Variants in GRIN2A observed in about 807,000 individuals in gnomAD.
The protein encoded by GRIN2A is glutamate ionotropic receptor NMDA type subunit 2A, also known as glutamate receptor ionotropic, NMDA 2A.
In GRIN2A, 22 loss-of-function variants were observed where a neutral mutation model predicts 113.4. The observed-to-expected ratio is 0.19, with a 90% CI of 0.14 to 0.28. The LOEUF is 0.28. GRIN2A is among the 10% of genes least tolerant of loss of function. The pLI is 1.00. For synonymous variants in GRIN2A, 827 were observed against 738.4 expected (o/e 1.12, Z -1.94); for missense variants, 1,502 against 1,887.0 (o/e 0.80, Z 3.78).
chr16:9,772,315 A>G (rs1487809365), intron 11 of GRIN2A, among the ~76,000 whole-genome samples: 1 of 152,148 alleles, frequency 6.6e-6, no homozygotes, highest in East Asian at 1.9e-4. Flanking sequence ...AAAAACACCA[A>G]TGCCATCCCT....
intron 2 of GRIN2A, among the ~76,000 whole-genome samples, chr16:10,176,841 A>G (rs1488965443): frequency 6.6e-6 from 1 of 152,230 alleles, no homozygotes; most frequent in African/African-American, 2.4e-5. Context: ...TAGAACTTAA[A>G]GTAAAAATAA....
intron 2 of GRIN2A, among the ~76,000 whole-genome samples, chr16:10,055,089 AAAAG>A (rs1414071022): frequency 0.017 from 1,436 of 82,114 alleles, 72 homozygotes; most frequent in Middle Eastern, 0.027. Context: ...AAAAAAAGAA[AAAAG>A]AAAGAAAGAA....
At chr16:10,098,148 C>T (rs958876203) in intron 2 of GRIN2A, among the ~76,000 whole-genome samples, 2 of 152,066 alleles carry the variant, frequency 1.3e-5, no homozygotes, top group African/African-American at 4.8e-5. Context: ...GGGCTAAGGG[C>T]ATGAACAGAT....
At chr16:9,781,731 C>A (rs1180334105) in intron 11 of GRIN2A, among the ~76,000 whole-genome samples, 1 of 151,578 alleles carries the variant, frequency 6.6e-6, no homozygotes, top group Admixed American at 6.6e-5. Flanking sequence ...AACCAGTAAC[C>A]TTTAAATTCT....
intron 2 of GRIN2A, among the ~76,000 whole-genome samples, chr16:10,134,180 G>T (rs1383559134): frequency 1.4e-5 from 2 of 140,654 alleles, no homozygotes; most frequent in African/African-American, 5.3e-5. Context: ...CCTTCAGGGT[G>T]AGACACTGTT....
At chr16:10,035,608 C>A (rs1466852303) in intron 2 of GRIN2A, among the ~76,000 whole-genome samples, 1 of 152,230 alleles carries the variant, frequency 6.6e-6, no homozygotes, top group Non-Finnish European at 1.5e-5. Context: ...GCATCACCCA[C>A]TGGAGTCACC....
At chr16:9,769,408 T>A (rs1327254074) in intron 11 of GRIN2A, among the ~76,000 whole-genome samples, 1 of 147,470 alleles carries the variant, frequency 6.8e-6, no homozygotes, top group African/African-American at 2.5e-5. Context: ...ATATAATATA[T>A]ATAACTTAGC....
At chr16:10,040,034 T>C (rs796793116) in intron 2 of GRIN2A, among the ~76,000 whole-genome samples, 15 of 658 alleles carry the variant, frequency 0.023, no homozygotes, top group African/African-American at 0.029. Flanking sequence ...ACAAATATAC[T>C]ACACACATCC....
intron 2 of GRIN2A, among the ~76,000 whole-genome samples, chr16:10,015,328 C>T (rs2046590660): frequency 1.5e-5 from 2 of 137,396 alleles, no homozygotes; most frequent in East Asian, 2.3e-4. Context: ...TAACTAGAAT[C>T]TTACTAAGGG....
chr16:10,089,135 C>T (rs1208061401), intron 2 of GRIN2A, among the ~76,000 whole-genome samples: 8 of 152,030 alleles, frequency 5.3e-5, no homozygotes, highest in African/African-American at 1.5e-4. Flanking sequence ...AGTAAGTGCT[C>T]GGTAAAATGT....
At chr16:9,918,336 T>A (rs1010653871) in intron 3 of GRIN2A, among the ~76,000 whole-genome samples, 3 of 152,226 alleles carry the variant, frequency 2.0e-5, no homozygotes, top group African/African-American at 7.2e-5. Context: ...GTATGTATCA[T>A]GTTTCTTCTT....
At chr16:9,896,488 A>T (rs530350395) in intron 3 of GRIN2A, among the ~76,000 whole-genome samples, 213 of 152,340 alleles carry the variant, frequency 1.4e-3, no homozygotes, top group African/African-American at 5.1e-3. Context: ...TAGTAAAATC[A>T]GATGGAATTA....
chr16:10,017,281 A>C (rs1567236401), intron 2 of GRIN2A, among the ~76,000 whole-genome samples: 3 of 152,186 alleles, frequency 2.0e-5, no homozygotes, highest in African/African-American at 4.8e-5. Flanking sequence ...TTACACGATT[A>C]ATAGATAATC....
chr16:10,020,653 T>C (rs1329703692), intron 2 of GRIN2A, among the ~76,000 whole-genome samples: 1 of 152,176 alleles, frequency 6.6e-6, no homozygotes. Flanking sequence ...ATTGTTCTGA[T>C]TCTCAGCTGC....
chr16:10,077,230 C>A (rs13332699), intron 2 of GRIN2A, among the ~76,000 whole-genome samples: 21,249 of 152,096 alleles, frequency 0.14, 1,998 homozygotes, highest in African/African-American at 0.27. Context: ...ATGTGGGTGA[C>A]CAGTAGGATT....
chr16:10,061,830 A>C (rs1024028721), intron 2 of GRIN2A, among the ~76,000 whole-genome samples: 1 of 152,216 alleles, frequency 6.6e-6, no homozygotes, highest in Non-Finnish European at 1.5e-5. Context: ...AGTTCCCTCC[A>C]AAAGTGGCAG....
At chr16:10,023,131 A>G (rs1389731851) in intron 2 of GRIN2A, among the ~76,000 whole-genome samples, 1 of 152,198 alleles carries the variant, frequency 6.6e-6, no homozygotes, top group African/African-American at 2.4e-5. Context: ...TGGTATTGAG[A>G]TGGTAGATTC....
intron 2 of GRIN2A, among the ~76,000 whole-genome samples, chr16:9,984,889 G>C (rs944113938): frequency 2.0e-5 from 3 of 152,082 alleles, no homozygotes; most frequent in Admixed American, 2.0e-4. Flanking sequence ...TGGGTTCAAA[G>C]ATATCAAAAA....
chr16:10,107,899 G>C (rs1009232614), intron 2 of GRIN2A, among the ~76,000 whole-genome samples: 1 of 152,234 alleles, frequency 6.6e-6, no homozygotes, highest in African/African-American at 2.4e-5. Flanking sequence ...AACGTGCAAA[G>C]TGCCTGCTAC....
Sources: gnomAD v4.1 joint callset for allele counts (sites outside exome capture counted in the v4.1 genomes callset) on GRCh38, gnomAD v4.1.1 for gene constraint, MANE v1.5 for transcripts, NCBI Gene and HGNC (gene_info 2026-07-23, HGNC 2026-07-21) for gene names.